Variants in SORL1 observed in about 807,000 individuals in gnomAD.
SORL1 encodes sortilin-related receptor.
In SORL1, 127 loss-of-function variants were observed where a neutral mutation model predicts 273.7. The observed-to-expected ratio is 0.46, with a 90% CI of 0.40 to 0.54. The LOEUF is 0.54. Ranked by LOEUF, SORL1 falls within the 20% of genes least tolerant of loss-of-function variation. The pLI is 0.00. For missense variants in SORL1, 2,494 were observed against 2,846.1 expected (o/e 0.88, Z 2.81); for synonymous variants, 1,031 against 1,067.4 (o/e 0.97, Z 0.66).
intron 1 of SORL1, among the ~76,000 whole-genome samples, chr11:121,458,563 A>G (rs896259335): frequency 2.0e-5 from 3 of 152,138 alleles, no homozygotes; most frequent in Non-Finnish European, 4.4e-5. Flanking sequence ...GGACTTTCCT[A>G]TGCATTTTCT....
At chr11:121,535,216 T>TG (rs1862251630) in intron 12 of SORL1, among the ~76,000 whole-genome samples, 1 of 151,982 alleles carries the variant, frequency 6.6e-6, no homozygotes, top group Non-Finnish European at 1.5e-5. Flanking sequence ...CAGATGTGAG[T>TG]GGAGGCTCCC....
chr11:121,457,893 G>A (rs1860932631), intron 1 of SORL1, among the ~76,000 whole-genome samples: 1 of 152,236 alleles, frequency 6.6e-6, no homozygotes, highest in African/African-American at 2.4e-5. Context: ...TGAGACTTGG[G>A]ATCCACGAGG....
chr11:121,619,823 G>T lies in SORL1; in HGVS notation c.5795G>T (p.Arg1932Met). The T allele has an allele frequency of 1.2e-6, 2 of 1,614,140 alleles. No homozygotes were observed. Among genetic ancestry groups the T allele is most frequent in the Non-Finnish European group, 1.7e-6 (2 of 1,179,972 alleles). ...YVVVKMIPDSRLPPRHLHVVH... is the reference protein window; with the variant it reads ...YVVVKMIPDSMLPPRHLHVVH... Reference sequence around the variant, plus strand: ...GTAGTGAAGATGATCCCGGACAGCAGGCTTCCACCCCGTCACCTGCATGTG... The same window carrying T: ...GTAGTGAAGATGATCCCGGACAGCATGCTTCCACCCCGTCACCTGCATGTG... The change falls in exon 43 of 48, where the codon AGG becomes ATG. Residue 1932 changes from arginine (R) to methionine (M), a missense_variant. Around this residue, in one of 3 missense-constraint regions of SORL1, gnomAD observed 1,609 missense variants for 1,816.4 expected, o/e 0.89. Coordinates refer to ENST00000260197, the MANE Select transcript of SORL1 (RefSeq NM_003105.6).
chr11:121,594,901 T>C (rs1863270752), intron 31 of SORL1, among the ~76,000 whole-genome samples: 1 of 152,182 alleles, frequency 6.6e-6, no homozygotes, highest in East Asian at 1.9e-4. Flanking sequence ...CTGAAGCTGG[T>C]CATTTTCCCC....
intron 8 of SORL1, among the ~76,000 whole-genome samples, chr11:121,516,225 G>A (rs1400372396): frequency 3.9e-5 from 6 of 152,222 alleles, no homozygotes; most frequent in African/African-American, 2.4e-5. Flanking sequence ...AAGTATTGCA[G>A]AGATACAGGC....
Position 121,627,728 on chromosome 11 carries a change from A to G in SORL1, c.6538A>G (p.Arg2180Gly). ...TAFANSHYSS[R>G]LGSAIFSSGD... ...CTTCGCCAACAGCCACTACAGCTCC[A>G]GGCTGGGGTCCGCAATCTTCTCCTC... Residue 2180 changes from arginine (R) to glycine (G), a missense_variant, in exon 47 of 48, where the codon AGG (arginine) becomes GGG (glycine). By Grantham distance (125) the Arg-to-Gly change is moderately radical (BLOSUM62 -2). Around this residue, in one of 3 missense-constraint regions of SORL1, gnomAD observed 1,609 missense variants for 1,816.4 expected, o/e 0.89. Coordinates refer to ENST00000260197, the MANE Select transcript of SORL1 (RefSeq NM_003105.6). This position sits in a 1 kb window ranked among gnomAD's most constrained non-coding sequence, Gnocchi z 4.9. The G allele has an allele frequency of 1.2e-6, 2 of 1,614,106 alleles. No individual in the cohort carries two copies. The highest frequency in any genetic ancestry group is 1.3e-5 in the African/African-American group (1 of 75,052).
At chr11:121,580,843 G>A (rs4936638) in intron 25 of SORL1, among the ~76,000 whole-genome samples, 35,050 of 151,510 alleles carry the variant, frequency 0.23, 5,096 homozygotes, top group East Asian at 0.55. Flanking sequence ...GGGTGCAAGT[G>A]ATCCTCTTAC....
At chr11:121,555,790 T>G (rs1032445575) in intron 18 of SORL1, among the ~76,000 whole-genome samples, 1 of 152,192 alleles carries the variant, frequency 6.6e-6, no homozygotes, top group Non-Finnish European at 1.5e-5. Flanking sequence ...CCCATTTCTC[T>G]GCAACTTAGC....
intron 27 of SORL1, among the ~76,000 whole-genome samples, 187 bp from the exon 28 acceptor site, chr11:121,587,833 G>T (rs1197616996): frequency 6.6e-6 from 1 of 152,190 alleles, no homozygotes; most frequent in Non-Finnish European, 1.5e-5. Context: ...TGTCTTGAGG[G>T]TTTAATGATG....
At chr11:121,465,003 G>A (rs1861061643) in intron 1 of SORL1, among the ~76,000 whole-genome samples, 1 of 152,110 alleles carries the variant, frequency 6.6e-6, no homozygotes, top group Non-Finnish European at 1.5e-5. Flanking sequence ...GGTCCTAGAG[G>A]CCTTAAAAAA....
At chr11:121,499,535 T>C (rs1259091451) in intron 6 of SORL1, among the ~76,000 whole-genome samples, 1 of 152,256 alleles carries the variant, frequency 6.6e-6, no homozygotes, top group East Asian at 1.9e-4. Flanking sequence ...ATGCTTCAAA[T>C]GACAGAGTTG....
At chr11:121,469,975 T>G in intron 1 of SORL1, 32 bp from the exon 2 acceptor site, 1 of 1,357,650 alleles carries the variant, frequency 7.4e-7, no homozygotes, top group South Asian at 1.2e-5. Context: ...TCACTTATCG[T>G]GGGTCCTAAT....
At position 121,595,163 on chromosome 11, in the gene SORL1, A is replaced by T. The variant is rs1703148509; in HGVS notation, c.4370-460A>T. 6.6e-6 allele frequency among the ~76,000 whole-genome samples: 1 copy of T among 152,220 alleles called. No homozygotes were observed. The highest frequency in any genetic ancestry group is 2.1e-4 in the South Asian group (1 of 4,832). ...TGATAGGAGGGGATATAAGGAATGT[A>T]GCTGCGTCTTAAACATCATTCAGTC... On this transcript the variant is annotated intron_variant, in intron 31 of 47. Transcript: ENST00000260197. This position sits in a 1 kb window ranked among gnomAD's most constrained non-coding sequence, Gnocchi z 5.1.
intron 40 of SORL1, 147 bp downstream of exon 40, chr11:121,612,979 G>T: frequency 1.6e-6 from 1 of 621,166 alleles, no homozygotes; most frequent in Non-Finnish European, 2.9e-6. Flanking sequence ...TGTGCATTGA[G>T]GATCCTATAA....
rs1461582790 is a variant in SORL1, at chr11:121,595,896, T to C, written c.4519+124T>C. ...GTGAGTCTGTGTACTTGCGTAACCA[T>C]GCTCTTACTGCATTCTCCACAAGCG... On this transcript the variant is annotated intron_variant, in intron 32 of 47. Coordinates refer to ENST00000260197, the MANE Select transcript of SORL1 (RefSeq NM_003105.6). This position sits in a 1 kb window ranked among gnomAD's most constrained non-coding sequence, Gnocchi z 5.1. The C allele has an allele frequency of 1.7e-5, 17 of 1,007,496 alleles. No homozygotes were observed. Among genetic ancestry groups the C allele is most frequent in the Non-Finnish European group, 2.3e-5 (16 of 708,214 alleles). The allele number at this position is 1,007,496 out of a possible 1,614,324, so 62.4% of individuals were successfully genotyped here.
chr11:121,575,084 A>C (rs1862907477), intron 24 of SORL1, among the ~76,000 whole-genome samples: 1 of 152,360 alleles, frequency 6.6e-6, no homozygotes, highest in East Asian at 1.9e-4. Context: ...TTACAATTCC[A>C]AGGAATGATA....
In SORL1 at chr11:121,452,641, C is replaced by G. The variant is rs1860822294; in HGVS notation, c.285+25C>G. ...GGTGAGCAGTTTTGCAACCCGCCTC[C>G]CTCCAGTTTTTTCCTCTCCCTGCAC... On this transcript the variant is annotated intron_variant, in intron 1 of 47. Transcript: ENST00000260197. The surrounding 1 kb of genome is among the most constrained non-coding windows in gnomAD (Gnocchi z 5.3). The G allele has an allele frequency of 1.4e-6, 2 of 1,433,406 alleles. No individual in the cohort carries two copies. Among genetic ancestry groups the G allele is most frequent in the East Asian group, 5.7e-5 (2 of 35,222 alleles). 88.8% of individuals were successfully genotyped at this position (1,433,406 alleles called of 1,614,324 possible).
Position 121,594,968 on chromosome 11 carries a change from C to T in SORL1, c.4370-655C>T, listed in dbSNP as rs535832518. Among the ~76,000 whole-genome samples, 8 of 152,294 alleles carry T rather than the reference C, an allele frequency of 5.3e-5. No individual in the cohort carries two copies. In the South Asian group the frequency reaches 1.2e-3, roughly 24 times the overall value. On this transcript the variant is annotated intron_variant, in intron 31 of 47. Transcript: ENST00000260197. ...ATAATTACCTTATTGCTAGGATCCT[C>T]GGAGAAGAGGACTGGGACTTCCATA...
At chr11:121,490,413 C>T (rs915975167) in intron 5 of SORL1, among the ~76,000 whole-genome samples, 1 of 73,536 alleles carries the variant, frequency 1.4e-5, no homozygotes, top group Non-Finnish European at 2.6e-5. Context: ...TTTAGAGCAT[C>T]ATATTAGAAG....
Sources: allele counts gnomAD v4.1 joint callset (sites outside exome capture counted in the v4.1 genomes callset), GRCh38; gene constraint gnomAD v4.1.1; regional missense constraint gnomAD v4.1.1; non-coding constraint Gnocchi (gnomAD v3.1); transcripts MANE v1.5; gene names NCBI Gene and HGNC (gene_info 2026-07-23, HGNC 2026-07-21).